The following GRIN3A variants were observed in gnomAD, a reference collection of about 807,000 sequenced individuals.
GRIN3A encodes glutamate ionotropic receptor NMDA type subunit 3A, also known as glutamate receptor ionotropic, NMDA 3A.
Under a neutral mutation model 92.4 loss-of-function variants are expected in GRIN3A, and 47 were observed. That is an observed-to-expected ratio of 0.51 (90% confidence interval 0.40 to 0.65). GRIN3A has a LOEUF of 0.65. Among genes scored for constraint, GRIN3A ranks in the 30% least tolerant of loss-of-function variants. The probability of loss-of-function intolerance (pLI) is 0.00; values close to 1 mark genes in which losing one functional copy is unlikely to be tolerated. For synonymous variants in GRIN3A, 527 were observed against 540.6 expected (o/e 0.97, Z 0.35); for missense variants, 1,324 against 1,393.1 (o/e 0.95, Z 0.79).
rs1375034177 is a variant in GRIN3A, at chr9:101,590,385, TTTATTTA to T, written c.2767-11032_2767-11026del. On this transcript the variant is annotated intron_variant, in intron 6 of 8. Transcript: ENST00000361820. ...ATTTATTTATTTATTTATTTATTTA[TTTATTTA>T]TTTTTTTGAGATGGAATCTCGCTCT... Among the ~76,000 whole-genome samples the T allele has an allele frequency of 1.1e-3, 149 of 134,284 alleles. 1 individual carries two copies. Among genetic ancestry groups the T allele is most frequent in the African/African-American group, 3.1e-3 (111 of 35,512 alleles). 88.1% of individuals were successfully genotyped at this position (134,284 alleles called of 152,430 possible).
intron 3 of GRIN3A, among the ~76,000 whole-genome samples, chr9:101,660,519 A>G (rs985616075): frequency 3.3e-5 from 5 of 151,840 alleles, no homozygotes; most frequent in Admixed American, 3.3e-4. Flanking sequence ...CCCTAGGAAC[A>G]GGGTGCATAA....
intron 1 of GRIN3A, among the ~76,000 whole-genome samples, chr9:101,710,046 A>C (rs1011691130): frequency 6.6e-6 from 1 of 152,294 alleles, no homozygotes; most frequent in East Asian, 1.9e-4. Context: ...ATCCTGTTTT[A>C]GAGAACTCCG....
chr9:101,656,569 T>A (rs140333959), intron 3 of GRIN3A, among the ~76,000 whole-genome samples: 3 of 152,040 alleles, frequency 2.0e-5, no homozygotes, highest in African/African-American at 7.2e-5. Context: ...GATTGTATTG[T>A]GCAGAATACA....
At chr9:101,717,471 G>A (rs760245232) in intron 1 of GRIN3A, among the ~76,000 whole-genome samples, 29 of 152,260 alleles carry the variant, frequency 1.9e-4, no homozygotes, top group Non-Finnish European at 3.5e-4. Context: ...TACCACACCC[G>A]GCGGCTGAAA....
intron 1 of GRIN3A, among the ~76,000 whole-genome samples, chr9:101,725,763 G>C (rs541817542): frequency 6.6e-6 from 1 of 152,236 alleles, no homozygotes; most frequent in East Asian, 1.9e-4. Flanking sequence ...ATTTATTACT[G>C]TGCTCATTCC....
intron 6 of GRIN3A, among the ~76,000 whole-genome samples, chr9:101,595,710 C>T (rs544924555): frequency 2.0e-5 from 3 of 152,288 alleles, no homozygotes; most frequent in South Asian, 4.2e-4. Context: ...ATGCTGAATT[C>T]AGGGCGTTTT....
At position 101,632,753 on chromosome 9, in the gene GRIN3A, G is replaced by A. The variant is rs569547948; in HGVS notation, c.2353-4352C>T. ...TAAGAAGCTATTGATGCAACCCAGTGGGCCAGGATGGTCTACCCTGTGTGT... is the reference window on the plus strand; with the variant it reads ...TAAGAAGCTATTGATGCAACCCAGTAGGCCAGGATGGTCTACCCTGTGTGT... On this transcript the variant is annotated intron_variant, in intron 3 of 8. Coordinates refer to ENST00000361820, the MANE Select transcript of GRIN3A (RefSeq NM_133445.3). Among the ~76,000 whole-genome samples the A allele has an allele frequency of 3.5e-4, 54 of 152,252 alleles. No individual in the cohort carries two copies. The South Asian group carries it at 0.011, about 30-fold the overall frequency.
At chr9:101,678,933 T>C (rs1321316068) in intron 2 of GRIN3A, among the ~76,000 whole-genome samples, 1 of 152,226 alleles carries the variant, frequency 6.6e-6, no homozygotes, top group Non-Finnish European at 1.5e-5. Flanking sequence ...TTTTGCTTTT[T>C]GGTATGAACC....
At chr9:101,646,579 A>G (rs866128477) in intron 3 of GRIN3A, among the ~76,000 whole-genome samples, 52 of 150,882 alleles carry the variant, frequency 3.4e-4, no homozygotes, top group African/African-American at 1.2e-3. Context: ...TTTCATAGGG[A>G]TTGTATTGAA....
At chr9:101,681,274 TA>T (rs905023700) in intron 2 of GRIN3A, among the ~76,000 whole-genome samples, 89 of 152,268 alleles carry the variant, frequency 5.8e-4, no homozygotes, top group African/African-American at 2.0e-3. Flanking sequence ...TCCTAATGTT[TA>T]AAAAAAATTA....
intron 3 of GRIN3A, among the ~76,000 whole-genome samples, chr9:101,647,168 A>T (rs536388408): frequency 3.4e-4 from 52 of 151,840 alleles, no homozygotes; most frequent in African/African-American, 1.2e-3. Flanking sequence ...AGGCATGTTC[A>T]TGCTATACCC....
chr9:101,636,943 C>T (rs562839389), intron 3 of GRIN3A, among the ~76,000 whole-genome samples: 48 of 152,290 alleles, frequency 3.2e-4, no homozygotes, highest in Non-Finnish European at 4.9e-4. Context: ...CTAAATATAT[C>T]GGCTACATTT....
intron 3 of GRIN3A, among the ~76,000 whole-genome samples, chr9:101,645,526 A>G (rs1828926111): frequency 1.3e-5 from 2 of 151,520 alleles, no homozygotes; most frequent in Non-Finnish European, 3.0e-5. Flanking sequence ...GGATTGCTGG[A>G]TCTTATGGTA....
chr9:101,603,506 G>T (rs1245541916), intron 6 of GRIN3A, among the ~76,000 whole-genome samples: 4 of 152,154 alleles, frequency 2.6e-5, no homozygotes, highest in African/African-American at 4.8e-5. Flanking sequence ...TGGTGGAGCT[G>T]GGAGTCAAAT....
intron 3 of GRIN3A, among the ~76,000 whole-genome samples, chr9:101,630,525 A>C (rs1027827207): frequency 6.6e-6 from 1 of 152,182 alleles, no homozygotes; most frequent in Non-Finnish European, 1.5e-5. Flanking sequence ...TCATTTGTCC[A>C]AGGTCACAGA....
At chr9:101,632,337 G>T (rs1005770185) in intron 3 of GRIN3A, among the ~76,000 whole-genome samples, 1 of 152,138 alleles carries the variant, frequency 6.6e-6, no homozygotes, top group African/African-American at 2.4e-5. Context: ...CTGCTAGATT[G>T]TAAGTTTCCA....
intron 2 of GRIN3A, among the ~76,000 whole-genome samples, chr9:101,682,778 C>G (rs1254035288): frequency 6.6e-6 from 1 of 151,944 alleles, no homozygotes; most frequent in Admixed American, 6.6e-5. Flanking sequence ...GTCAGGAGAT[C>G]GAGACCATCC....
chr9:101,615,425 C>G (rs367796732), intron 5 of GRIN3A, among the ~76,000 whole-genome samples: 1 of 137,836 alleles, frequency 7.3e-6, no homozygotes, highest in South Asian at 2.3e-4. Flanking sequence ...GTCTCGATCT[C>G]GGCTCACTGC....
chr9:101,639,617 G>A (rs1828829311), intron 3 of GRIN3A, among the ~76,000 whole-genome samples: 1 of 152,178 alleles, frequency 6.6e-6, no homozygotes, highest in Non-Finnish European at 1.5e-5. Context: ...TTTACCTCCA[G>A]TCTAGTGATG....
Sources: gnomAD v4.1 joint callset for allele counts (sites outside exome capture counted in the v4.1 genomes callset) on GRCh38, gnomAD v4.1.1 for gene constraint, MANE v1.5 for transcripts, NCBI Gene and HGNC (gene_info 2026-07-23, HGNC 2026-07-21) for gene names.